UBE4B: variants seen among roughly 807,000 people sequenced by gnomAD.
UBE4B encodes ubiquitin conjugation factor E4 B.
UBE4B carries 27 observed loss-of-function variants against 148.1 expected under a neutral mutation model. The ratio of observed to expected loss-of-function variants is 0.18; its 90% confidence interval spans 0.13 to 0.25. The LOEUF is 0.25. Among genes scored for constraint, UBE4B ranks in the 10% least tolerant of loss-of-function variants. The probability of loss-of-function intolerance (pLI) is 1.00; values close to 1 mark genes in which losing one functional copy is unlikely to be tolerated. For synonymous variants in UBE4B, 596 were observed against 619.3 expected, an observed-to-expected ratio of 0.96 and a Z score of 0.56; for missense variants, 1,170 against 1,662.4, an observed-to-expected ratio of 0.70 and a Z score of 5.15.
chr1:10,082,179 G>A (rs1644693164), intron 2 of UBE4B, among the ~76,000 whole-genome samples: 1 of 152,010 alleles, frequency 6.6e-6, no homozygotes, highest in South Asian at 2.1e-4. Context: ...TAGGCTATGT[G>A]GCTTATATTT....
At chr1:10,070,038 G>T (rs1022001959) in intron 1 of UBE4B, among the ~76,000 whole-genome samples, 33 of 152,070 alleles carry the variant, frequency 2.2e-4, no homozygotes, top group Admixed American at 2.2e-3. Flanking sequence ...ACTTTGGGGG[G>T]CCGAGGTGGA....
chr1:10,179,337 G>A (rs1054147691), intron 26 of UBE4B, 79 bp from the exon 27 acceptor site: 42 of 1,552,722 alleles, frequency 2.7e-5, no homozygotes, highest in Middle Eastern at 2.0e-4. Flanking sequence ...TAGATTTTTC[G>A]CTGGTAGAAC....
At chr1:10,171,073 G>T (rs1048898344) in intron 24 of UBE4B, 65 bp from the exon 25 acceptor site, 15 of 1,504,450 alleles carry the variant, frequency 1.0e-5, no homozygotes, top group African/African-American at 1.4e-5. Flanking sequence ...ACTGAAATGG[G>T]AGTTTTTGGT....
Position 10,033,588 on chromosome 1 carries a change from A to G in UBE4B, c.-83A>G. On this transcript the variant is annotated 5_prime_UTR_variant, in exon 1 of 28. Transcript: ENST00000343090. ...CGGGGGACCAGACAGCCTGATAGAC[A>G]CCTTCCACTCTCCTTCCTCCCGCCG... is the stretch of plus-strand genomic sequence containing the variant. 1 of 1,421,944 alleles carries G rather than the reference A, an allele frequency of 7.0e-7. No individual in the cohort carries two copies. Among genetic ancestry groups the G allele is most frequent in the Middle Eastern group, 1.9e-4 (1 of 5,254 alleles). 88.1% of individuals were successfully genotyped at this position (1,421,944 alleles called of 1,614,324 possible). A position where few individuals can be genotyped will look rare whatever the true frequency, so the allele number is the denominator to read the frequency against.
chr1:10,146,093 G>C (rs937683077), intron 18 of UBE4B, among the ~76,000 whole-genome samples: 1 of 152,018 alleles, frequency 6.6e-6, no homozygotes, highest in Non-Finnish European at 1.5e-5. Context: ...ATTAACAAGG[G>C]GCCCTTATCT....
intron 18 of UBE4B, among the ~76,000 whole-genome samples, chr1:10,146,215 G>C (rs1645869657): frequency 6.6e-6 from 1 of 152,162 alleles, no homozygotes; most frequent in East Asian, 1.9e-4. Flanking sequence ...ACTTTGAGAG[G>C]CCGAGGCAGG....
chr1:10,175,687 A>T (rs1013040746), intron 25 of UBE4B, among the ~76,000 whole-genome samples: 2 of 151,918 alleles, frequency 1.3e-5, no homozygotes, highest in African/African-American at 4.8e-5. Flanking sequence ...AAAAGAAAAT[A>T]AAAAAAATAA....
In UBE4B at chr1:10,180,334, T is replaced by A. The variant is rs1160601569; in HGVS notation, c.*378T>A. 1.1e-5 allele frequency: 2 copies of A among 185,564 alleles called. No homozygotes were observed. The highest frequency in any genetic ancestry group is 2.2e-5 in the Non-Finnish European group (2 of 90,028). The allele number at this position is 185,564 out of a possible 1,614,324, so 11.5% of individuals were successfully genotyped here. A position where few individuals can be genotyped will look rare whatever the true frequency, so the allele number is the denominator to read the frequency against. The stretch of plus-strand genomic sequence containing the variant: ...CCAATATCCGTTGATTTGATTGTGA[T>A]TAGAGAACCTTGGACATTTTGCTGC... On this transcript the variant is annotated 3_prime_UTR_variant, in exon 28 of 28. Coordinates refer to ENST00000343090, the MANE Select transcript of UBE4B (RefSeq NM_001105562.3).
At chr1:10,121,103 A>C (rs1193211777) in intron 9 of UBE4B, among the ~76,000 whole-genome samples, 1 of 151,780 alleles carries the variant, frequency 6.6e-6, no homozygotes, top group Non-Finnish European at 1.5e-5. Flanking sequence ...GGTGGCTTAC[A>C]TCTGTAATCC....
At position 10,041,674 on chromosome 1, in the gene UBE4B, G is replaced by T. The variant is rs143243072; in HGVS notation, c.24+7980G>T. 7.3e-4 allele frequency among the ~76,000 whole-genome samples: 111 copies of T among 152,006 alleles called. 1 individual carries two copies. In the East Asian group the frequency reaches 0.018, roughly 25 times the overall value. ...CTTACGGTCCCTTCTGAGATAGGAA[G>T]TGGAAGCCCCAGTGGACTTTTTGTT... On this transcript the variant is annotated intron_variant, in intron 1 of 27. Coordinates refer to ENST00000343090, the MANE Select transcript of UBE4B (RefSeq NM_001105562.3).
chr1:10,078,656 A>G (rs937385743), intron 2 of UBE4B, among the ~76,000 whole-genome samples: 1 of 152,094 alleles, frequency 6.6e-6, no homozygotes, highest in Non-Finnish European at 1.5e-5. Context: ...AGTATATCCA[A>G]CGAAGGCCTT....
intron 9 of UBE4B, among the ~76,000 whole-genome samples, chr1:10,120,565 C>G (rs1370543946): frequency 6.6e-6 from 1 of 151,948 alleles, no homozygotes; most frequent in East Asian, 1.9e-4. Flanking sequence ...AGTTTACAGG[C>G]CAGGCTCATG....
chr1:10,086,494 G>GT (rs1557540693), intron 2 of UBE4B, among the ~76,000 whole-genome samples: 1 of 152,102 alleles, frequency 6.6e-6, no homozygotes. Flanking sequence ...TCAAAATCCC[G>GT]TTATATGCAT....
intron 25 of UBE4B, among the ~76,000 whole-genome samples, chr1:10,178,268 C>G (rs1259742345): frequency 2.6e-5 from 4 of 151,876 alleles, no homozygotes; most frequent in Non-Finnish European, 5.9e-5. Flanking sequence ...ACAGTGCCCC[C>G]CAAGGACTGA....
intron 5 of UBE4B, 149 bp from the exon 6 acceptor site, chr1:10,105,367 T>G: frequency 1.5e-6 from 1 of 647,574 alleles, no homozygotes; most frequent in South Asian, 1.9e-5. Context: ...AAGGCTTTAT[T>G]TAGGTTTTCC....
chr1:10,051,456 A>G (rs1384178555), intron 1 of UBE4B, among the ~76,000 whole-genome samples: 1 of 152,204 alleles, frequency 6.6e-6, no homozygotes, highest in Admixed American at 6.5e-5. Flanking sequence ...AATAATGCCA[A>G]CAGCATAAAT....
rs1557558553 is a variant in UBE4B at position 10,106,565 on chromosome 1, C to A, written c.1178C>A (p.Ser393Tyr). The A allele has an allele frequency of 6.4e-7, 1 of 1,574,648 alleles. No individual in the cohort carries two copies. The highest frequency in any genetic ancestry group is 1.2e-5 in the South Asian group (1 of 85,758). ...AGTGCCACGAGCAGACGCCCCTCCT[C>A]CCTGAGGATCTCTCCTAGGTATTTA... ...SPSATSRRPSSLRISPSLGAS... is the reference protein window; with the variant it reads ...SPSATSRRPSYLRISPSLGAS... The change falls in exon 7 of 28, where the codon TCC becomes TAC. Residue 393 changes from serine (S) to tyrosine (Y), a missense_variant. By Grantham distance (144) the Ser-to-Tyr change is moderately radical (BLOSUM62 -2). Coordinates refer to ENST00000343090, the MANE Select transcript of UBE4B (RefSeq NM_001105562.3). The surrounding 1 kb of genome is among the most constrained non-coding windows in gnomAD (Gnocchi z 4.2).
In UBE4B at chr1:10,085,119, T is replaced by TA. The variant is rs772140471; in HGVS notation, c.212-10341dup. ...TTTAACACCTAGAGTTGAACGTTCATACCTGGAGAGCCTTAACATTAAGCC... is the reference window on the plus strand; with the variant it reads ...TTTAACACCTAGAGTTGAACGTTCATAACCTGGAGAGCCTTAACATTAAGCC... On this transcript the variant is annotated intron_variant, in intron 2 of 27. Transcript: ENST00000343090. Among the ~76,000 whole-genome samples, 88 of 152,246 alleles carry TA rather than the reference T, an allele frequency of 5.8e-4. No individual in the cohort carries two copies. The Middle Eastern group carries it at 0.02, about 35-fold the overall frequency.
intron 24 of UBE4B, among the ~76,000 whole-genome samples, chr1:10,169,209 A>G (rs1206942061): frequency 6.6e-6 from 1 of 152,240 alleles, no homozygotes; most frequent in Admixed American, 6.5e-5. Flanking sequence ...TGGTGTGGCC[A>G]GGACAAGGGT....
Sources: allele counts gnomAD v4.1 joint callset (sites outside exome capture counted in the v4.1 genomes callset), GRCh38; gene constraint gnomAD v4.1.1; non-coding constraint Gnocchi (gnomAD v3.1); transcripts MANE v1.5; gene names NCBI Gene and HGNC (gene_info 2026-07-23, HGNC 2026-07-21).